Variants in ROR1 observed in about 807,000 individuals in gnomAD.
The protein encoded by ROR1 is ROR family WNT receptor 1, also known as inactive tyrosine-protein kinase transmembrane receptor ROR1.
Under a neutral mutation model 78.8 loss-of-function variants are expected in ROR1, and 19 were observed. The observed-to-expected ratio is 0.24, with a 90% CI of 0.17 to 0.35. ROR1 has a LOEUF of 0.35. Ranked by LOEUF, ROR1 falls within the 10% of genes least tolerant of loss-of-function variation. The pLI, the probability that ROR1 is intolerant of heterozygous loss-of-function variation, is 1.00. For synonymous variants in ROR1, 386 were observed against 433.6 expected, an observed-to-expected ratio of 0.89 and a Z score of 1.36; for missense variants, 917 against 1,177.8, an observed-to-expected ratio of 0.78 and a Z score of 3.24.
At chr1:64,131,319 T>G (rs1227687941) in intron 4 of ROR1, among the ~76,000 whole-genome samples, 1 of 152,164 alleles carries the variant, frequency 6.6e-6, no homozygotes, top group African/African-American at 2.4e-5. Flanking sequence ...GAGGCTGCCA[T>G]GCTGTGGGAT....
chr1:64,088,366 G>A (rs1324947428), intron 4 of ROR1, among the ~76,000 whole-genome samples: 3 of 152,054 alleles, frequency 2.0e-5, no homozygotes, highest in Admixed American at 6.6e-5. Context: ...CACAGAGACT[G>A]GTCCAAGGAT....
chr1:63,847,797 T>C (rs1481131683), intron 1 of ROR1, among the ~76,000 whole-genome samples: 5 of 152,226 alleles, frequency 3.3e-5, no homozygotes, highest in East Asian at 1.9e-4. Flanking sequence ...ACACCTTTGT[T>C]TGAGGCTTTG....
intron 2 of ROR1, among the ~76,000 whole-genome samples, chr1:64,040,308 A>T (rs1398912536): frequency 6.6e-6 from 1 of 152,204 alleles, no homozygotes; most frequent in African/African-American, 2.4e-5. Context: ...TAGTTAAAAG[A>T]CTTTGGTCAT....
chr1:63,898,644 A>AG (rs1354924753), intron 1 of ROR1, among the ~76,000 whole-genome samples: 1 of 152,014 alleles, frequency 6.6e-6, no homozygotes, highest in Non-Finnish European at 1.5e-5. Context: ...AGAGGAAAGA[A>AG]GGGGGTGAAA....
At chr1:63,878,236 A>G (rs1429850562) in intron 1 of ROR1, among the ~76,000 whole-genome samples, 1 of 152,172 alleles carries the variant, frequency 6.6e-6, no homozygotes, top group South Asian at 2.1e-4. Flanking sequence ...AGGGCCTTAC[A>G]GGACTCATGT....
chr1:64,022,543 C>T (rs1453010258), intron 2 of ROR1, among the ~76,000 whole-genome samples: 1 of 152,166 alleles, frequency 6.6e-6, no homozygotes, highest in Admixed American at 6.5e-5. Flanking sequence ...ACTGTTTTTA[C>T]TTAGTGCTAC....
At chr1:64,143,434 C>G in intron 7 of ROR1, 1 of 977,750 alleles carries the variant, frequency 1.0e-6, no homozygotes, top group Non-Finnish European at 1.2e-6. Context: ...AATTCATCTT[C>G]CTGATCCTAG....
intron 1 of ROR1, among the ~76,000 whole-genome samples, chr1:63,809,651 A>G (rs1644848958): frequency 6.6e-6 from 1 of 152,176 alleles, no homozygotes; most frequent in African/African-American, 2.4e-5. Context: ...TGGAAAGGCC[A>G]AGTTTTAAGA....
chr1:64,038,753 T>C (rs896692642), intron 2 of ROR1, among the ~76,000 whole-genome samples: 4 of 152,186 alleles, frequency 2.6e-5, no homozygotes, highest in African/African-American at 4.8e-5. Context: ...TATCTATTTA[T>C]AATAGATAGC....
chr1:64,156,895 G>A (rs1374807111), intron 7 of ROR1, among the ~76,000 whole-genome samples: 1 of 152,020 alleles, frequency 6.6e-6, no homozygotes, highest in Non-Finnish European at 1.5e-5. Context: ...AGAATGGTGG[G>A]CAAAAAGCAA....
chr1:63,820,806 T>C (rs1271283951), intron 1 of ROR1, among the ~76,000 whole-genome samples: 4 of 152,210 alleles, frequency 2.6e-5, no homozygotes, highest in Non-Finnish European at 4.4e-5. Flanking sequence ...GAGATAAGTA[T>C]TGTTTTTATT....
chr1:64,150,708 G>A (rs2762834), intron 7 of ROR1, among the ~76,000 whole-genome samples: 57,426 of 152,060 alleles, frequency 0.38, 10,994 homozygotes, highest in East Asian at 0.46. Context: ...TTTTTATACT[G>A]CAGAGATTTT....
chr1:63,929,866 T>G lies in ROR1; in HGVS notation c.92-79439T>G, dbSNP rs541148186. Among the ~76,000 whole-genome samples, 11 of 152,308 alleles carry G rather than the reference T, an allele frequency of 7.2e-5. No homozygotes were observed. In the South Asian group the frequency reaches 2.1e-3, roughly 29 times the overall value. ...GCACAAGGAGGTTTTGGGTAACTCA[T>G]GCTAGAATTCAGATCCAGCAATCTG... On this transcript the variant is annotated intron_variant, in intron 1 of 8. Transcript: ENST00000371079.
intron 1 of ROR1, among the ~76,000 whole-genome samples, chr1:63,876,075 T>C (rs1308464428): frequency 6.6e-6 from 1 of 152,212 alleles, no homozygotes; most frequent in African/African-American, 2.4e-5. Context: ...CGAAAGTGAA[T>C]GTAAGTTAAA....
intron 1 of ROR1, among the ~76,000 whole-genome samples, chr1:63,998,496 A>C (rs529741546): frequency 2.0e-5 from 3 of 152,186 alleles, no homozygotes; most frequent in Non-Finnish European, 4.4e-5. Flanking sequence ...GTGCATCAAC[A>C]TATTCTGTTT....
At chr1:63,984,569 A>G (rs1268813447) in intron 1 of ROR1, among the ~76,000 whole-genome samples, 2 of 152,168 alleles carry the variant, frequency 1.3e-5, no homozygotes, top group South Asian at 2.1e-4. Context: ...AGCTGCTACT[A>G]TTAACTTTAT....
At chr1:64,003,176 AC>A in intron 1 of ROR1, among the ~76,000 whole-genome samples, 1 of 152,084 alleles carries the variant, frequency 6.6e-6, no homozygotes, top group Non-Finnish European at 1.5e-5. Flanking sequence ...AAACCTAGGC[AC>A]CTTTTCCTTC....
intron 1 of ROR1, among the ~76,000 whole-genome samples, chr1:63,801,616 C>T (rs1644797916): frequency 6.6e-6 from 1 of 152,130 alleles, no homozygotes; most frequent in African/African-American, 2.4e-5. Flanking sequence ...ATTTTTTAAA[C>T]ACCACTGAAT....
At chr1:63,867,570 T>C (rs530814278) in intron 1 of ROR1, among the ~76,000 whole-genome samples, 2 of 152,338 alleles carry the variant, frequency 1.3e-5, no homozygotes, top group South Asian at 4.1e-4. Flanking sequence ...TAACTGTGCA[T>C]GATAGCAGGC....
Sources: allele counts gnomAD v4.1 joint callset (sites outside exome capture counted in the v4.1 genomes callset), GRCh38; gene constraint gnomAD v4.1.1; transcripts MANE v1.5; gene names NCBI Gene and HGNC (gene_info 2026-07-23, HGNC 2026-07-21).